Variants in RAD51B observed in about 807,000 individuals in gnomAD.
RAD51B encodes DNA repair protein RAD51 homolog 2.
RAD51B carries 38 observed loss-of-function variants against 42.2 expected under a neutral mutation model. That is an observed-to-expected ratio of 0.90 (90% confidence interval 0.70 to 1.18). The LOEUF (loss-of-function observed/expected upper bound fraction) is 1.18, where lower values mean the gene tolerates loss of function less well. RAD51B is among the 50% of genes most tolerant of loss of function. RAD51B has a pLI of 0.00. For missense variants in RAD51B, 373 were observed against 400.7 expected (o/e 0.93, Z 0.59); for synonymous variants, 154 against 145.2 (o/e 1.06, Z -0.43).
chr14:68,435,380 A>G (rs1262364171), intron 9 of RAD51B, among the ~76,000 whole-genome samples: 1 of 151,880 alleles, frequency 6.6e-6, no homozygotes, highest in African/African-American at 2.4e-5. Flanking sequence ...ATGGCTGTAT[A>G]TGTACCGCAT....
At chr14:67,957,821 A>G (rs1223672235) in intron 7 of RAD51B, among the ~76,000 whole-genome samples, 1 of 152,176 alleles carries the variant, frequency 6.6e-6, no homozygotes, top group African/African-American at 2.4e-5. Flanking sequence ...GTAAATGTAT[A>G]CCTTTGTAGT....
At chr14:68,518,741 C>T (rs751438813) in intron 10 of RAD51B, among the ~76,000 whole-genome samples, 1 of 152,210 alleles carries the variant, frequency 6.6e-6, no homozygotes, top group Non-Finnish European at 1.5e-5. Context: ...AGGTTAGCAG[C>T]GTAGCTGAGG....
chr14:68,014,687 G>A (rs1306311021), intron 7 of RAD51B, among the ~76,000 whole-genome samples: 3 of 142,374 alleles, frequency 2.1e-5, no homozygotes, highest in South Asian at 2.1e-4. Context: ...TAAATTTAAG[G>A]ATCAGTAAAA....
intron 9 of RAD51B, among the ~76,000 whole-genome samples, chr14:68,450,206 CTTTTTTTTTT>C (rs67536658): frequency 2.1e-4 from 10 of 47,906 alleles, no homozygotes; most frequent in Non-Finnish European, 2.7e-4. Flanking sequence ...GAGCTTAGGG[CTTTTTTTTTT>C]TTTTTTTTTT....
chr14:68,612,209 GC>G (rs1383566394), downstream of RAD51B, among the ~76,000 whole-genome samples: 1 of 152,248 alleles, frequency 6.6e-6, no homozygotes, highest in Non-Finnish European at 1.5e-5. Flanking sequence ...GCTTTCACTT[GC>G]GTGGGAAGTC....
intron 7 of RAD51B, among the ~76,000 whole-genome samples, chr14:68,262,031 G>T (rs2080900651): frequency 6.6e-6 from 1 of 151,140 alleles, no homozygotes; most frequent in African/African-American, 2.4e-5. Flanking sequence ...GGTAGAGTTT[G>T]TAAATAGGAG....
rs11844123 is a variant in RAD51B, at chr14:67,874,647, G to A, written c.452+9508G>A. Among the ~76,000 whole-genome samples the A allele has an allele frequency of 8.2e-3, 1,251 of 152,164 alleles. 19 individuals are homozygous for A. Among genetic ancestry groups the A allele is most frequent in the African/African-American group, 0.029 (1,206 of 41,524 alleles). On this transcript the variant is annotated intron_variant, in intron 5 of 10. Coordinates refer to ENST00000471583, the MANE Select transcript of RAD51B (RefSeq NM_133510.4). ...TCTAGATCCTCTTCTGATTGATCCA[G>A]AGAAGATCTGCTGTTTTTTTGTTGT... is the stretch of plus-strand genomic sequence containing the variant.
chr14:68,237,789 G>A lies in RAD51B; in HGVS notation c.757-54095G>A, dbSNP rs575934206. On this transcript the variant is annotated intron_variant, in intron 7 of 10. Transcript: ENST00000471583. ...TCTTGCTCTGTCACCAGGCTGGAGTGCAGTGGTGCAATCTCAGCTCACTGC... is the reference window on the plus strand; with the variant it reads ...TCTTGCTCTGTCACCAGGCTGGAGTACAGTGGTGCAATCTCAGCTCACTGC... Among the ~76,000 whole-genome samples, 3 of 134,894 alleles carry A rather than the reference G, an allele frequency of 2.2e-5. 1 individual carries two copies. The South Asian group carries it at 7.0e-4, about 31-fold the overall frequency. The allele number at this position is 134,894 out of a possible 152,430, so 88.5% of individuals were successfully genotyped here.
At chr14:68,505,417 T>C (rs1293196622) in intron 10 of RAD51B, among the ~76,000 whole-genome samples, 1 of 152,162 alleles carries the variant, frequency 6.6e-6, no homozygotes, top group Non-Finnish European at 1.5e-5. Context: ...TGGGGCACAG[T>C]GAGAAATCTG....
intron 10 of RAD51B, among the ~76,000 whole-genome samples, chr14:68,532,859 A>C (rs1346267429): frequency 6.6e-6 from 1 of 152,232 alleles, no homozygotes. Flanking sequence ...ATGCAGAAAA[A>C]AATTATTTTC....
chr14:67,872,625 C>T (rs1463635339), intron 5 of RAD51B, among the ~76,000 whole-genome samples: 7 of 151,158 alleles, frequency 4.6e-5, no homozygotes, highest in South Asian at 2.1e-4. Flanking sequence ...GAGCCCGCAT[C>T]GCCAAGTCAA....
intron 9 of RAD51B, among the ~76,000 whole-genome samples, chr14:68,454,512 A>G (rs969372727): frequency 6.6e-6 from 1 of 152,222 alleles, no homozygotes; most frequent in African/African-American, 2.4e-5. Flanking sequence ...CATCAGTGCT[A>G]CAGTAACCTT....
At chr14:68,518,831 C>G (rs891633139) in intron 10 of RAD51B, among the ~76,000 whole-genome samples, 1 of 152,130 alleles carries the variant, frequency 6.6e-6, no homozygotes, top group Non-Finnish European at 1.5e-5. Context: ...TGGAACCCCT[C>G]AAGGTCTCCG....
chr14:68,632,133 A>G (rs1892242055), intron 10 of RAD51B, among the ~76,000 whole-genome samples: 1 of 152,180 alleles, frequency 6.6e-6, no homozygotes, highest in African/African-American at 2.4e-5. Context: ...CTTCTCCAGA[A>G]GCCAAACCAT....
intron 10 of RAD51B, among the ~76,000 whole-genome samples, chr14:68,588,000 C>A (rs1469270484): frequency 6.6e-6 from 1 of 152,218 alleles, no homozygotes; most frequent in Non-Finnish European, 1.5e-5. Flanking sequence ...GAGCTTGTTA[C>A]AGAAGCAGAA....
intron 7 of RAD51B, among the ~76,000 whole-genome samples, chr14:68,283,729 T>C (rs1053034030): frequency 1.1e-4 from 17 of 152,262 alleles, no homozygotes; most frequent in African/African-American, 3.6e-4. Context: ...TTGGGGCCAG[T>C]GGGGCAGCCA....
At chr14:68,156,016 T>C (rs1210728941) in intron 7 of RAD51B, among the ~76,000 whole-genome samples, 2 of 152,224 alleles carry the variant, frequency 1.3e-5, no homozygotes, top group Non-Finnish European at 2.9e-5. Context: ...AAGATCTTTT[T>C]GTTTCTTCTG....
At chr14:68,270,562 CA>C (rs1467472593) in intron 7 of RAD51B, among the ~76,000 whole-genome samples, 1 of 152,184 alleles carries the variant, frequency 6.6e-6, no homozygotes, top group Non-Finnish European at 1.5e-5. Flanking sequence ...ATTTGGGTCA[CA>C]GGGGTTCAGC....
At chr14:68,333,119 A>G (rs1210730261) in intron 8 of RAD51B, among the ~76,000 whole-genome samples, 1 of 152,218 alleles carries the variant, frequency 6.6e-6, no homozygotes, top group Non-Finnish European at 1.5e-5. Context: ...CTGCTCTGCT[A>G]CAGAGCCACT....
Sources: gnomAD v4.1 joint callset for allele counts (sites outside exome capture counted in the v4.1 genomes callset) on GRCh38, gnomAD v4.1.1 for gene constraint, MANE v1.5 for transcripts, NCBI Gene and HGNC (gene_info 2026-07-23, HGNC 2026-07-21) for gene names.